Variants in MUSK observed in about 807,000 individuals in gnomAD.
The protein encoded by MUSK is muscle associated receptor tyrosine kinase, also known as muscle, skeletal receptor tyrosine-protein kinase.
Under a neutral mutation model 88.7 loss-of-function variants are expected in MUSK, and 55 were observed. The observed-to-expected ratio is 0.62, with a 90% CI of 0.50 to 0.78. MUSK has a LOEUF of 0.78. Among genes scored for constraint, MUSK ranks in the 30% least tolerant of loss-of-function variants. The probability of loss-of-function intolerance (pLI) is 0.00; values close to 1 mark genes in which losing one functional copy is unlikely to be tolerated. For missense variants in MUSK, 1,015 were observed against 1,074.3 expected, an observed-to-expected ratio of 0.94 and a Z score of 0.77; for synonymous variants, 387 against 391.9, an observed-to-expected ratio of 0.99 and a Z score of 0.15.
chr9:110,744,263 G>A (rs745915717), intron 6 of MUSK, among the ~76,000 whole-genome samples: 1 of 152,176 alleles, frequency 6.6e-6, no homozygotes, highest in Non-Finnish European at 1.5e-5. Flanking sequence ...CACTGCACCC[G>A]GCCCTGGGCC....
intron 7 of MUSK, among the ~76,000 whole-genome samples, chr9:110,756,336 C>CA (rs2077324112): frequency 6.6e-6 from 1 of 151,846 alleles, no homozygotes; most frequent in African/African-American, 2.4e-5. Flanking sequence ...ATCTCAATCC[C>CA]TATTGAGGTA....
rs1348994906 is a variant in MUSK at position 110,668,912 on chromosome 9, A to G, written c.8A>G (p.Glu3Gly). 1 of 1,613,490 alleles carries G rather than the reference A, an allele frequency of 6.2e-7. No individual in the cohort carries two copies. The highest frequency in any genetic ancestry group is 1.1e-5 in the South Asian group (1 of 91,066). Residue 3 changes from glutamate to glycine, a missense_variant, in exon 1 of 15, where the codon GAG becomes GGG. Transcript: ENST00000374448. ...CGTGAGCCTGGATTAATCATGAGAG[A>G]GCTCGTCAACATTCCACTGGTACAT... MR[E>G]LVNIPLVHIL...
At chr9:110,680,995 AATATATTATATTATATATAATATATATT>A (rs1587886401) in intron 1 of MUSK, among the ~76,000 whole-genome samples, 2 of 57,152 alleles carry the variant, frequency 3.5e-5, no homozygotes, top group East Asian at 2.9e-4. Context: ...TGATCCTTAT[AATATATTATATTATATATAATATATATT>A]ATATATTATA....
At chr9:110,781,483 A>T (rs539606066) in intron 11 of MUSK, among the ~76,000 whole-genome samples, 10 of 152,066 alleles carry the variant, frequency 6.6e-5, no homozygotes, top group Non-Finnish European at 8.8e-5. Context: ...TCACCGTGTT[A>T]GCCAGGATGG....
At chr9:110,766,385 G>A (rs913236495) in intron 8 of MUSK, among the ~76,000 whole-genome samples, 25 of 152,096 alleles carry the variant, frequency 1.6e-4, no homozygotes, top group Admixed American at 1.0e-3. Context: ...GAAAGTTTTT[G>A]TGGAGTTTTG....
chr9:110,733,021 C>A (rs1209609834), intron 5 of MUSK, among the ~76,000 whole-genome samples: 2 of 152,104 alleles, frequency 1.3e-5, no homozygotes, highest in African/African-American at 2.4e-5. Context: ...CCTTATGTAG[C>A]ACATGTGGTC....
intron 4 of MUSK, among the ~76,000 whole-genome samples, chr9:110,696,826 A>T (rs2076435488): frequency 6.6e-6 from 1 of 151,924 alleles, no homozygotes. Context: ...CTTTTGGGGT[A>T]CTAGTGGTTT....
chr9:110,707,781 T>C (rs961357871), intron 5 of MUSK, among the ~76,000 whole-genome samples: 1 of 152,172 alleles, frequency 6.6e-6, no homozygotes, highest in Non-Finnish European at 1.5e-5. Flanking sequence ...GGCTCCTTCA[T>C]GTTTAAACAA....
chr9:110,687,907 A>T (rs997741414), intron 3 of MUSK, among the ~76,000 whole-genome samples: 1 of 152,106 alleles, frequency 6.6e-6, no homozygotes, highest in African/African-American at 2.4e-5. Context: ...GTGAAACACA[A>T]CCAAACACAC....
intron 13 of MUSK, among the ~76,000 whole-genome samples, chr9:110,787,148 G>A (rs2077883087): frequency 6.6e-6 from 1 of 152,094 alleles, no homozygotes; most frequent in African/African-American, 2.4e-5. Flanking sequence ...ATATCACGAG[G>A]TCAGGAGATT....
At chr9:110,708,808 G>A (rs1347647864) in intron 5 of MUSK, among the ~76,000 whole-genome samples, 4 of 152,126 alleles carry the variant, frequency 2.6e-5, no homozygotes, top group Non-Finnish European at 2.9e-5. Context: ...TCAACACATA[G>A]TTAGGCCCTC....
chr9:110,780,045 A>G (rs2077727099), intron 11 of MUSK, among the ~76,000 whole-genome samples: 1 of 152,132 alleles, frequency 6.6e-6, no homozygotes, highest in African/African-American at 2.4e-5. Context: ...TATAAACAAC[A>G]TATACCTGGG....
At chr9:110,752,112 C>A (rs2077255694) in intron 7 of MUSK, among the ~76,000 whole-genome samples, 1 of 152,100 alleles carries the variant, frequency 6.6e-6, no homozygotes, top group African/African-American at 2.4e-5. Context: ...TTTCCCGAGG[C>A]AGACCTAATA....
chr9:110,799,491 C>T (rs1171773103), intron 14 of MUSK, among the ~76,000 whole-genome samples: 2 of 152,168 alleles, frequency 1.3e-5, no homozygotes, highest in African/African-American at 4.8e-5. Flanking sequence ...TCATCTAAGA[C>T]ACTTGAATTG....
chr9:110,677,943 AT>A (rs753210518), intron 1 of MUSK, among the ~76,000 whole-genome samples: 11 of 151,682 alleles, frequency 7.3e-5, no homozygotes, highest in South Asian at 2.1e-4. Context: ...TTTTGCAAGG[AT>A]TTTTTTTCTG....
At chr9:110,694,793 A>G (rs966760369) in intron 3 of MUSK, among the ~76,000 whole-genome samples, 7 of 152,170 alleles carry the variant, frequency 4.6e-5, no homozygotes, top group Non-Finnish European at 1.0e-4. Context: ...GGCATAAACT[A>G]TTTCTTCTGA....
At chr9:110,694,403 A>C (rs1338523241) in intron 3 of MUSK, among the ~76,000 whole-genome samples, 6 of 132,696 alleles carry the variant, frequency 4.5e-5, no homozygotes, top group African/African-American at 1.9e-4. Context: ...AAAAAAAAAA[A>C]AAACAAAAAA....
Position 110,801,205 on chromosome 9 carries a change from T to C in MUSK, c.*217T>C. 2 of 440,424 alleles carry C rather than the reference T, an allele frequency of 4.5e-6. No homozygotes were observed. The highest frequency in any genetic ancestry group is 7.9e-6 in the Non-Finnish European group (2 of 251,820). The allele number at this position is 440,424 out of a possible 1,614,324, so 27.3% of individuals were successfully genotyped here. A position where few individuals can be genotyped will look rare whatever the true frequency, so the allele number is the denominator to read the frequency against. Reference sequence around the variant, plus strand: ...GTGATTGGAAACACAGGCTAGGAAATGTGTCAGATAATGGAGACAACTATT... The same window carrying C: ...GTGATTGGAAACACAGGCTAGGAAACGTGTCAGATAATGGAGACAACTATT... On this transcript the variant is annotated 3_prime_UTR_variant, in exon 15 of 15. Coordinates refer to ENST00000374448, the MANE Select transcript of MUSK (RefSeq NM_005592.4).
intron 5 of MUSK, among the ~76,000 whole-genome samples, chr9:110,733,578 T>G (rs1011438051): frequency 6.6e-6 from 1 of 152,084 alleles, no homozygotes; most frequent in Admixed American, 6.6e-5. Flanking sequence ...ATATCCTTTT[T>G]TTTTTTTGCC....
Sources: gnomAD v4.1 joint callset for allele counts (sites outside exome capture counted in the v4.1 genomes callset) on GRCh38, gnomAD v4.1.1 for gene constraint, MANE v1.5 for transcripts, NCBI Gene and HGNC (gene_info 2026-07-23, HGNC 2026-07-21) for gene names.